RGL1: variants seen among roughly 807,000 people sequenced by gnomAD.
RGL1 encodes the protein ral guanine nucleotide dissociation stimulator like 1, also known as ral guanine nucleotide dissociation stimulator-like 1.
In RGL1, 24 loss-of-function variants were observed where a neutral mutation model predicts 95.2. The ratio of observed to expected loss-of-function variants is 0.25; its 90% CI spans 0.18 to 0.35. RGL1 has a LOEUF of 0.35. Ranked by LOEUF, RGL1 falls within the 10% of genes least tolerant of loss-of-function variation. RGL1 has a pLI of 1.00. For missense variants in RGL1, 715 were observed against 936.3 expected, an observed-to-expected ratio of 0.76 and a Z score of 3.08; for synonymous variants, 329 against 344.9, an observed-to-expected ratio of 0.95 and a Z score of 0.51.
At chr1:183,827,564 T>C (rs1337407639) in intron 2 of RGL1, among the ~76,000 whole-genome samples, 1 of 152,232 alleles carries the variant, frequency 6.6e-6, no homozygotes, top group Non-Finnish European at 1.5e-5. Context: ...GCCTGTCGAA[T>C]TGCATAAGTA....
At chr1:183,899,828 T>C (rs906710353) in intron 10 of RGL1, among the ~76,000 whole-genome samples, 7 of 152,210 alleles carry the variant, frequency 4.6e-5, no homozygotes, top group African/African-American at 1.7e-4. Context: ...CTACCAGGAA[T>C]GTCCCCATGC....
chr1:183,824,920 A>G (rs547120417), intron 2 of RGL1, among the ~76,000 whole-genome samples: 2 of 152,096 alleles, frequency 1.3e-5, no homozygotes, highest in East Asian at 1.9e-4. Context: ...CAAGGTTTCT[A>G]TATATCCTGC....
intron 4 of RGL1, among the ~76,000 whole-genome samples, chr1:183,868,110 A>G (rs1665948889): frequency 1.3e-5 from 2 of 152,178 alleles, no homozygotes; most frequent in African/African-American, 4.8e-5. Context: ...GCCCTGAAGC[A>G]TGGTGAAGAT....
chr1:183,869,697 A>G (rs368753585), intron 4 of RGL1, among the ~76,000 whole-genome samples: 1 of 151,792 alleles, frequency 6.6e-6, no homozygotes, highest in South Asian at 2.1e-4. Flanking sequence ...TTCTGAAACT[A>G]TGCTTCTCCT....
chr1:183,729,975 G>A (rs1656534367), intron 1 of RGL1, among the ~76,000 whole-genome samples: 2 of 152,130 alleles, frequency 1.3e-5, no homozygotes, highest in Admixed American at 6.6e-5. Flanking sequence ...GGGTGAGATC[G>A]GCTGGGAAGG....
chr1:183,886,692 A>G (rs1444423113), intron 7 of RGL1, among the ~76,000 whole-genome samples: 1 of 152,092 alleles, frequency 6.6e-6, no homozygotes, highest in Non-Finnish European at 1.5e-5. Flanking sequence ...AGTATGTTGT[A>G]TCTTTTACAA....
At chr1:183,652,102 T>C (rs1650800790) in intron 1 of RGL1, among the ~76,000 whole-genome samples, 1 of 152,252 alleles carries the variant, frequency 6.6e-6, no homozygotes, top group Admixed American at 6.5e-5. Flanking sequence ...GGCACTTTTC[T>C]GTCTTTATTA....
At chr1:183,830,489 A>G (rs917221717) in intron 2 of RGL1, among the ~76,000 whole-genome samples, 2 of 152,190 alleles carry the variant, frequency 1.3e-5, no homozygotes, top group African/African-American at 4.8e-5. Flanking sequence ...TCATTTCCTC[A>G]GATACTCCCA....
chr1:183,800,880 A>G (rs1328340179), upstream of RGL1, among the ~76,000 whole-genome samples: 1 of 152,068 alleles, frequency 6.6e-6, no homozygotes, highest in African/African-American at 2.4e-5. Flanking sequence ...TTATCCATTC[A>G]TCTGTTGATG....
At chr1:183,877,866 G>T (rs888099382) in intron 4 of RGL1, among the ~76,000 whole-genome samples, 9 of 152,160 alleles carry the variant, frequency 5.9e-5, no homozygotes, top group African/African-American at 1.9e-4. Context: ...GTGGACGAAG[G>T]CTCCTCTTTA....
chr1:183,667,473 T>C (rs1475604325), intron 1 of RGL1, among the ~76,000 whole-genome samples: 1 of 151,940 alleles, frequency 6.6e-6, no homozygotes, highest in Non-Finnish European at 1.5e-5. Flanking sequence ...TACAGGCATG[T>C]GCCACCATGC....
chr1:183,830,310 A>G (rs1663174481), intron 2 of RGL1, among the ~76,000 whole-genome samples: 1 of 152,202 alleles, frequency 6.6e-6, no homozygotes, highest in Admixed American at 6.5e-5. Context: ...TGGTATGGGA[A>G]AAAGGGGAAG....
intron 1 of RGL1, among the ~76,000 whole-genome samples, chr1:183,697,479 C>T (rs528829864): frequency 2.0e-4 from 31 of 152,270 alleles, no homozygotes; most frequent in South Asian, 4.1e-4. Flanking sequence ...ACAGTTTGCA[C>T]GGAGGAATGG....
intron 1 of RGL1, among the ~76,000 whole-genome samples, chr1:183,737,173 GGATAATTTTTATCT>G (rs1203212353): frequency 1.3e-5 from 2 of 152,136 alleles, no homozygotes; most frequent in Non-Finnish European, 2.9e-5. Flanking sequence ...TGGAAGTGAT[GGATAATTTTTATCT>G]GATAGCAAGA....
At chr1:183,873,862 C>G (rs539864227) in intron 4 of RGL1, among the ~76,000 whole-genome samples, 2 of 152,304 alleles carry the variant, frequency 1.3e-5, no homozygotes, top group South Asian at 4.1e-4. Flanking sequence ...GGAAACAAGA[C>G]CAAATTAGGC....
At chr1:183,643,035 C>T (rs1187191577) in intron 1 of RGL1, among the ~76,000 whole-genome samples, 2 of 152,146 alleles carry the variant, frequency 1.3e-5, no homozygotes, top group Non-Finnish European at 2.9e-5. Context: ...CTATTTTTGA[C>T]TGGTTTATTT....
At chr1:183,885,204 G>T (rs1430547421) in intron 7 of RGL1, among the ~76,000 whole-genome samples, 10 of 152,202 alleles carry the variant, frequency 6.6e-5, no homozygotes, top group Non-Finnish European at 1.3e-4. Context: ...CCTCTCTAGA[G>T]TGAGACATTC....
At chr1:183,851,946 T>C (rs995317275) in intron 3 of RGL1, among the ~76,000 whole-genome samples, 2 of 152,234 alleles carry the variant, frequency 1.3e-5, no homozygotes, top group African/African-American at 2.4e-5. Flanking sequence ...TGAAATATTA[T>C]TTTGTCAGTA....
chr1:183,927,315 G>A lies in RGL1; in HGVS notation c.*1023G>A, dbSNP rs1316295866. 1 of 152,518 alleles carries A rather than the reference G, an allele frequency of 6.6e-6. No homozygotes were observed. The highest frequency in any genetic ancestry group is 2.4e-5 in the African/African-American group (1 of 41,422). 9.4% of individuals were successfully genotyped at this position (152,518 alleles called of 1,614,324 possible). A position where few individuals can be genotyped will look rare whatever the true frequency, so the allele number is the denominator to read the frequency against. On this transcript the variant is annotated 3_prime_UTR_variant, in exon 18 of 18. Transcript: ENST00000360851. ...ATTATGTGCAATTTATTCCTCAGGT[G>A]TGGAAATTTCTACTGCAATTGACTA...
Sources: gnomAD v4.1 joint callset for allele counts (sites outside exome capture counted in the v4.1 genomes callset) on GRCh38, gnomAD v4.1.1 for gene constraint, MANE v1.5 for transcripts, NCBI Gene and HGNC (gene_info 2026-07-23, HGNC 2026-07-21) for gene names.